The following DDX4 variants were observed in gnomAD, a reference collection of about 807,000 sequenced individuals.
DDX4 encodes probable ATP-dependent RNA helicase DDX4.
In DDX4, 25 loss-of-function variants were observed where a neutral mutation model predicts 100.0. The observed-to-expected ratio is 0.25, with a 90% CI of 0.18 to 0.35. The LOEUF (loss-of-function observed/expected upper bound fraction) is 0.35. Among genes scored for constraint, DDX4 ranks in the 10% least tolerant of loss-of-function variants. The pLI is 1.00. For missense variants in DDX4, 635 were observed against 882.4 expected, an observed-to-expected ratio of 0.72 and a Z score of 3.55; for synonymous variants, 259 against 275.7, an observed-to-expected ratio of 0.94 and a Z score of 0.60.
At chr5:55,783,026 A>G (rs1362580623) in intron 10 of DDX4, among the ~76,000 whole-genome samples, 2 of 152,044 alleles carry the variant, frequency 1.3e-5, no homozygotes, top group Admixed American at 1.3e-4. Flanking sequence ...TCCTGACCTC[A>G]GGTGATCTGC....
rs778001507 is a variant in DDX4 at position 55,785,871 on chromosome 5, G to A, written c.864G>A (p.Leu288=). Reference sequence around the variant, plus strand: ...GACATGATGCACCACCAGCAATTCTGGTCAGTGTATTAATTGTTTCTGTAT... The same window carrying A: ...GACATGATGCACCACCAGCAATTCTAGTCAGTGTATTAATTGTTTCTGTAT... The part of the protein sequence containing the change: ...VSGHDAPPAI[L]TFEEANLCQT... The change falls in exon 13 of 22, where the codon CTG becomes CTA. Residue 288 remains leucine (L), a splice_region_variant and synonymous_variant. Coordinates refer to ENST00000505374, the MANE Select transcript of DDX4 (RefSeq NM_024415.3). The A allele has an allele frequency of 6.2e-7, 1 of 1,603,250 alleles. No homozygotes were observed. The highest frequency in any genetic ancestry group is 1.1e-5 in the South Asian group (1 of 90,708).
At chr5:55,758,427 A>T (rs972061271) in intron 3 of DDX4, among the ~76,000 whole-genome samples, 1 of 152,102 alleles carries the variant, frequency 6.6e-6, no homozygotes, top group Non-Finnish European at 1.5e-5. Flanking sequence ...TGAGTTGGTG[A>T]GTAATTTCTC....
intron 7 of DDX4, among the ~76,000 whole-genome samples, chr5:55,775,242 T>C (rs954330752): frequency 2.0e-5 from 3 of 152,228 alleles, no homozygotes; most frequent in African/African-American, 7.2e-5. Flanking sequence ...TTACCACATT[T>C]TGTTTATCCA....
intron 14 of DDX4, 123 bp from the exon 15 acceptor site, chr5:55,787,723 C>T (rs917315764): frequency 6.5e-6 from 7 of 1,068,708 alleles, no homozygotes; most frequent in East Asian, 2.6e-5. Flanking sequence ...TTTCATTTCT[C>T]ATCTTAAATT....
At chr5:55,740,672 A>ATTTTTTTTTTTT (rs11294945) in intron 2 of DDX4, among the ~76,000 whole-genome samples, 1 of 113,630 alleles carries the variant, frequency 8.8e-6, no homozygotes, top group African/African-American at 3.5e-5. Flanking sequence ...CGCCCCGCTA[A>ATTTTTTTTTTTT]TTTTTTTTTT....
chr5:55,779,800 T>C (rs907899209), intron 7 of DDX4, among the ~76,000 whole-genome samples, 164 bp from the exon 8 acceptor site: 2 of 152,200 alleles, frequency 1.3e-5, no homozygotes, highest in Non-Finnish European at 2.9e-5. Flanking sequence ...TTAGTAAAAT[T>C]GAACACTTAA....
intron 18 of DDX4, among the ~76,000 whole-genome samples, chr5:55,801,778 A>T (rs1000396123): frequency 6.6e-6 from 1 of 152,226 alleles, no homozygotes; most frequent in African/African-American, 2.4e-5. Context: ...GGAAGTTTTC[A>T]TAAGGAATGT....
chr5:55,815,341 AAGAAAT>A lies in DDX4; in HGVS notation c.2016_2021del (p.Glu672_Ile674delinsAsp). Reference sequence around the variant, plus strand: ...CAACAGGATGTTCCTGCATGGTTGGAAGAAATTGCCTTTAGTACATACATTCCTGGC... The same window carrying A: ...CAACAGGATGTTCCTGCATGGTTGGATGCCTTTAGTACATACATTCCTGGC... On this transcript the variant is annotated inframe_deletion, in exon 21 of 22. Transcript: ENST00000505374. 1.2e-6 allele frequency: 2 copies of A among 1,613,128 alleles called. No individual in the cohort carries two copies. Among genetic ancestry groups the A allele is most frequent in the Non-Finnish European group, 1.7e-6 (2 of 1,179,822 alleles).
chr5:55,772,167 C>G (rs62361896), intron 7 of DDX4, among the ~76,000 whole-genome samples: 18,588 of 152,128 alleles, frequency 0.12, 1,188 homozygotes, highest in East Asian at 0.15. Context: ...GCTGAGATTG[C>G]GCCACTGCAC....
intron 3 of DDX4, among the ~76,000 whole-genome samples, chr5:55,759,443 A>G (rs1405254603): frequency 6.6e-6 from 1 of 151,798 alleles, no homozygotes; most frequent in Non-Finnish European, 1.5e-5. Flanking sequence ...ATAGCTTTTG[A>G]TTTGATTGCA....
At chr5:55,800,085 AAAT>A (rs1212525224) in intron 18 of DDX4, among the ~76,000 whole-genome samples, 12 of 152,196 alleles carry the variant, frequency 7.9e-5, no homozygotes, top group Admixed American at 5.9e-4. Context: ...TAGCATATAA[AAAT>A]AATAATAGCT....
At chr5:55,795,479 C>T (rs1279805727) in intron 17 of DDX4, among the ~76,000 whole-genome samples, 1 of 152,206 alleles carries the variant, frequency 6.6e-6, no homozygotes, top group South Asian at 2.1e-4. Context: ...TTTAAAAATA[C>T]TGAACTTGGG....
chr5:55,747,706 C>T (rs945853515), intron 3 of DDX4, among the ~76,000 whole-genome samples: 1 of 152,222 alleles, frequency 6.6e-6, no homozygotes, highest in Non-Finnish European at 1.5e-5. Context: ...AACTGGAACT[C>T]TGTACTCATT....
At chr5:55,815,242 G>A (rs2112207614) in intron 20 of DDX4, 71 bp downstream of exon 20, 3 of 1,597,806 alleles carry the variant, frequency 1.9e-6, no homozygotes, top group Admixed American at 1.7e-5. Flanking sequence ...TTTTATGCAT[G>A]TGTATATAAC....
At chr5:55,782,481 C>G (rs1741977214) in intron 10 of DDX4, among the ~76,000 whole-genome samples, 1 of 151,834 alleles carries the variant, frequency 6.6e-6, no homozygotes, top group Non-Finnish European at 1.5e-5. Flanking sequence ...GCCTGTAGTG[C>G]CAGCTACTCA....
intron 3 of DDX4, among the ~76,000 whole-genome samples, chr5:55,748,960 A>G (rs1297542289): frequency 1.4e-4 from 21 of 152,186 alleles, no homozygotes; most frequent in Admixed American, 1.4e-3. Flanking sequence ...ATGCTCTTAA[A>G]ATTGTATTTA....
intron 10 of DDX4, among the ~76,000 whole-genome samples, chr5:55,784,764 C>G (rs1486814073): frequency 6.6e-6 from 1 of 152,202 alleles, no homozygotes; most frequent in Non-Finnish European, 1.5e-5. Flanking sequence ...ATACTCTTCT[C>G]TGGTAGAGTT....
intron 7 of DDX4, among the ~76,000 whole-genome samples, chr5:55,775,412 C>T (rs550439375): frequency 1.9e-4 from 29 of 152,200 alleles, no homozygotes; most frequent in East Asian, 1.4e-3. Context: ...TAAAATGCTG[C>T]GAAATTTGCT....
At chr5:55,815,454 C>G in intron 21 of DDX4, 31 bp downstream of exon 21, 1 of 1,590,552 alleles carries the variant, frequency 6.3e-7, no homozygotes, top group South Asian at 1.2e-5. Flanking sequence ...GAGAACTTGT[C>G]TTCTAGTTAC....
Sources: allele counts gnomAD v4.1 joint callset (sites outside exome capture counted in the v4.1 genomes callset), GRCh38; gene constraint gnomAD v4.1.1; transcripts MANE v1.5; gene names NCBI Gene and HGNC (gene_info 2026-07-23, HGNC 2026-07-21).